Variants in CNTN5 observed in about 807,000 individuals in gnomAD.
CNTN5 encodes contactin 5.
Under a neutral mutation model 129.1 loss-of-function variants are expected in CNTN5, and 77 were observed. The observed-to-expected ratio is 0.60, with a 90% confidence interval of 0.50 to 0.72. CNTN5 has a LOEUF of 0.72. CNTN5 is among the 30% of genes least tolerant of loss of function. The pLI is 0.00. For missense variants in CNTN5, 1,478 were observed against 1,328.8 expected (o/e 1.11, Z -1.75); for synonymous variants, 509 against 465.6 (o/e 1.09, Z -1.20).
intron 3 of CNTN5, among the ~76,000 whole-genome samples, chr11:99,565,181 C>A (rs1948962973): frequency 6.6e-6 from 1 of 152,002 alleles, no homozygotes; most frequent in African/African-American, 2.4e-5. Flanking sequence ...AGTTGGAAGC[C>A]CCTAGAAGCC....
chr11:99,287,430 C>G (rs1012836436), intron 1 of CNTN5, among the ~76,000 whole-genome samples: 3 of 152,008 alleles, frequency 2.0e-5, no homozygotes, highest in Non-Finnish European at 4.4e-5. Flanking sequence ...AAGACTGTCT[C>G]CTATTATTCA....
At chr11:99,832,602 CTTAAAG>C (rs949603353) in intron 4 of CNTN5, among the ~76,000 whole-genome samples, 105 of 152,190 alleles carry the variant, frequency 6.9e-4, no homozygotes, top group African/African-American at 2.0e-3. Flanking sequence ...TGAAAGGCAA[CTTAAAG>C]TTAAAAGAAG....
At chr11:99,795,470 G>A (rs186131092) in intron 3 of CNTN5, among the ~76,000 whole-genome samples, 1 of 152,202 alleles carries the variant, frequency 6.6e-6, no homozygotes. Context: ...GAACTAGCAT[G>A]ATCATTTGGA....
At chr11:99,898,275 G>C (rs555133268) in intron 6 of CNTN5, among the ~76,000 whole-genome samples, 8 of 152,000 alleles carry the variant, frequency 5.3e-5, no homozygotes, top group Non-Finnish European at 1.0e-4. Context: ...GAAATAAAAG[G>C]TTGGTTCTTT....
intron 3 of CNTN5, among the ~76,000 whole-genome samples, chr11:99,770,948 A>G (rs930818360): frequency 1.3e-5 from 2 of 152,140 alleles, no homozygotes; most frequent in African/African-American, 4.8e-5. Flanking sequence ...TGGTACTGGC[A>G]TAAAAACTGA....
chr11:99,443,262 G>A (rs1943915431), intron 2 of CNTN5, among the ~76,000 whole-genome samples: 1 of 152,142 alleles, frequency 6.6e-6, no homozygotes, highest in African/African-American at 2.4e-5. Flanking sequence ...AAAACAGGTG[G>A]ATCTGAATTA....
At chr11:100,239,469 G>A (rs1307247120) in intron 16 of CNTN5, among the ~76,000 whole-genome samples, 1 of 152,038 alleles carries the variant, frequency 6.6e-6, no homozygotes, top group East Asian at 1.9e-4. Flanking sequence ...ATTATAAAAT[G>A]GAGCTAAATC....
intron 3 of CNTN5, among the ~76,000 whole-genome samples, chr11:99,666,223 C>T (rs1433393229): frequency 6.6e-6 from 1 of 152,152 alleles, no homozygotes. Context: ...CTGCCTGTGC[C>T]TCCCGAAGTG....
intron 7 of CNTN5, among the ~76,000 whole-genome samples, chr11:99,938,219 A>G (rs1950357889): frequency 1.3e-5 from 2 of 152,158 alleles, no homozygotes; most frequent in African/African-American, 4.8e-5. Context: ...AGTCTTCACT[A>G]TTTTAATTAC....
chr11:99,715,742 A>C (rs541159727), intron 3 of CNTN5, among the ~76,000 whole-genome samples: 1 of 152,122 alleles, frequency 6.6e-6, no homozygotes, highest in Admixed American at 6.6e-5. Context: ...TGTTATGTTT[A>C]TACACAAATT....
chr11:100,058,878 A>T (rs556478720), intron 9 of CNTN5, among the ~76,000 whole-genome samples: 1 of 152,220 alleles, frequency 6.6e-6, no homozygotes, highest in African/African-American at 2.4e-5. Context: ...GGCTACACAA[A>T]TTAGGACTTT....
intron 8 of CNTN5, among the ~76,000 whole-genome samples, chr11:99,975,390 A>G (rs1937880222): frequency 2.0e-5 from 3 of 152,110 alleles, no homozygotes; most frequent in Admixed American, 1.3e-4. Context: ...GCATTTACCC[A>G]GTGCCTGTAC....
At chr11:99,039,412 G>A (rs144621569) in intron 1 of CNTN5, among the ~76,000 whole-genome samples, 134 of 152,184 alleles carry the variant, frequency 8.8e-4, no homozygotes, top group African/African-American at 3.1e-3. Context: ...GTTGAACTGC[G>A]TAAAGGTTCC....
In CNTN5 at chr11:99,779,007, A is replaced by G. The variant is rs1369326825; in HGVS notation, c.56-40537A>G. ...TATAGTGTTTTATTTTAAACACAAC[A>G]ATACTACCATTTTATACCTCATCAG... On this transcript the variant is annotated intron_variant, in intron 3 of 24. Coordinates refer to ENST00000524871, the MANE Select transcript of CNTN5 (RefSeq NM_014361.4). 2.0e-5 allele frequency among the ~76,000 whole-genome samples: 3 copies of G among 151,938 alleles called. No homozygotes were observed. The East Asian group carries it at 5.9e-4, about 30-fold the overall frequency.
rs11220117 is a variant in CNTN5, at chr11:99,479,471, A to G, written c.-70-76674A>G. On this transcript the variant is annotated intron_variant, in intron 2 of 24. Transcript: ENST00000524871. ...GCAGGGCTTTAAAACCCTTGTAAAC[A>G]CTGTAAATGCAGGAAACTAGATAAT... Among the ~76,000 whole-genome samples the G allele has an allele frequency of 2.5e-3, 385 of 152,216 alleles. 4 individuals are homozygous for G. The highest frequency in any genetic ancestry group is 0.013 in the East Asian group (70 of 5,188).
At chr11:99,091,570 G>A (rs890657697) in intron 1 of CNTN5, among the ~76,000 whole-genome samples, 1 of 152,200 alleles carries the variant, frequency 6.6e-6, no homozygotes, top group Non-Finnish European at 1.5e-5. Flanking sequence ...GAATCATAGT[G>A]AGGCTGCTTT....
At chr11:99,862,063 G>T (rs1948222800) in intron 6 of CNTN5, among the ~76,000 whole-genome samples, 1 of 151,930 alleles carries the variant, frequency 6.6e-6, no homozygotes, top group Non-Finnish European at 1.5e-5. Context: ...ATTTTTTCCA[G>T]CATAACTTGT....
intron 3 of CNTN5, among the ~76,000 whole-genome samples, chr11:99,659,093 G>C (rs374715848): frequency 1.3e-5 from 2 of 151,882 alleles, no homozygotes; most frequent in South Asian, 2.1e-4. Context: ...ACTTACTCAT[G>C]GGCTTTGGAG....
chr11:99,889,326 G>T (rs10606004), intron 6 of CNTN5, among the ~76,000 whole-genome samples: 1,762 of 18,714 alleles, frequency 0.094, 73 homozygotes, highest in Non-Finnish European at 0.15. Flanking sequence ...GTGTGTGTGT[G>T]TGTGTGTGTG....
Sources: allele counts gnomAD v4.1 joint callset (sites outside exome capture counted in the v4.1 genomes callset), GRCh38; gene constraint gnomAD v4.1.1; transcripts MANE v1.5; gene names NCBI Gene and HGNC (gene_info 2026-07-23, HGNC 2026-07-21).